Variants in B4GALNT3 observed in about 807,000 individuals in gnomAD.
B4GALNT3 encodes the protein beta-1,4-N-acetylgalactosaminyltransferase 3.
In B4GALNT3, 86 loss-of-function variants were observed where a neutral mutation model predicts 120.2. The observed-to-expected ratio is 0.72, with a 90% confidence interval of 0.60 to 0.86. The LOEUF is 0.86. B4GALNT3 is among the 40% of genes least tolerant of loss of function. B4GALNT3 has a pLI of 0.00. For missense variants in B4GALNT3, 1,167 were observed against 1,298.9 expected (o/e 0.90, Z 1.56); for synonymous variants, 518 against 510.4 (o/e 1.01, Z -0.20).
chr12:549,573 C>T (rs750865860), intron 9 of B4GALNT3, among the ~76,000 whole-genome samples, 196 bp from the exon 10 acceptor site: 3 of 152,242 alleles, frequency 2.0e-5, no homozygotes, highest in Non-Finnish European at 2.9e-5. Flanking sequence ...GTGGGGCTGG[C>T]AGAGGGGGCC....
chr12:524,910 G>A (rs907940325), intron 1 of B4GALNT3, among the ~76,000 whole-genome samples: 2 of 152,072 alleles, frequency 1.3e-5, no homozygotes, highest in African/African-American at 4.8e-5. Context: ...AAATGCATGT[G>A]GTGGGTTAAA....
rs1168793116 is a variant in B4GALNT3, at chr12:561,350, C to T, written c.2896C>T (p.Gln966Ter). ...EDWELLDRILQAGLDVERLSL... is the reference protein window; with the variant it reads ...EDWELLDRIL Reference sequence around the variant, plus strand: ...GTGTTTCTCCTCCTCCAGGATACTCCAAGCGGGCCTGGACGTGGAGCGTCT... The same window carrying T: ...GTGTTTCTCCTCCTCCAGGATACTCTAAGCGGGCCTGGACGTGGAGCGTCT... The change falls in exon 20 of 20, where the codon CAA (glutamine) becomes TAA (stop). Residue 966 changes from glutamine (Q) to a stop codon, truncating the protein, a stop_gained. Transcript: ENST00000266383. LOFTEE classifies it high-confidence loss of function. The T allele has an allele frequency of 1.2e-6, 2 of 1,613,162 alleles. No homozygotes were observed. Among genetic ancestry groups the T allele is most frequent in the African/African-American group, 2.7e-5 (2 of 74,912 alleles).
At chr12:523,435 A>G (rs1046802415) in intron 1 of B4GALNT3, among the ~76,000 whole-genome samples, 2 of 152,214 alleles carry the variant, frequency 1.3e-5, no homozygotes, top group African/African-American at 4.8e-5. Context: ...AGAATCTAAT[A>G]ACAAACAAGA....
At chr12:534,944 C>T (rs1433573715) in intron 1 of B4GALNT3, among the ~76,000 whole-genome samples, 3 of 152,240 alleles carry the variant, frequency 2.0e-5, no homozygotes, top group East Asian at 1.9e-4. Flanking sequence ...TTCTGGAAGG[C>T]GGTGACTGCT....
intron 15 of B4GALNT3, among the ~76,000 whole-genome samples, chr12:557,289 A>AG (rs754993005): frequency 8.5e-5 from 13 of 152,160 alleles, no homozygotes; most frequent in Non-Finnish European, 1.3e-4. Flanking sequence ...CGATACTAAG[A>AG]GGGACAGATA....
At chr12:498,486 CTGTTTT>C (rs1946409643) in intron 1 of B4GALNT3, among the ~76,000 whole-genome samples, 1 of 149,848 alleles carries the variant, frequency 6.7e-6, no homozygotes, top group South Asian at 2.2e-4. Context: ...AGTTGACTTC[CTGTTTT>C]TGTTTTGTTC....
intron 11 of B4GALNT3, among the ~76,000 whole-genome samples, chr12:551,846 C>G (rs1294933522): frequency 2.6e-5 from 4 of 151,922 alleles, no homozygotes; most frequent in Non-Finnish European, 1.5e-5. Flanking sequence ...GCATTTGGTC[C>G]ATAGGGCCTG....
chr12:460,476 G>A lies in B4GALNT3; in HGVS notation c.100G>A (p.Val34Met), dbSNP rs1198791377. ...GCTGCTGGCGCTCGCCGTGGTGTCT[G>A]TGGGGCTCTGGACTCTGTATCTGGA... ...RLLLALAVVS[V>M]GLWTLYLELV... The change falls in exon 1 of 20, where the codon GTG becomes ATG. Residue 34 changes from valine (V) to methionine (M), a missense_variant. Val to Met is a conservative substitution (Grantham distance 21). Coordinates refer to ENST00000266383, the MANE Select transcript of B4GALNT3 (RefSeq NM_173593.4). This position sits in a 1 kb window ranked among gnomAD's most constrained non-coding sequence, Gnocchi z 8.0. 1.3e-6 allele frequency: 2 copies of A among 1,586,992 alleles called. No individual in the cohort carries two copies. The highest frequency in any genetic ancestry group is 2.3e-5 in the East Asian group (1 of 42,640).
At chr12:554,747 G>A (rs1384350836) in intron 14 of B4GALNT3, among the ~76,000 whole-genome samples, 20 of 105,428 alleles carry the variant, frequency 1.9e-4, no homozygotes, top group African/African-American at 4.9e-4. Flanking sequence ...CTGAGATTGC[G>A]CCACTGCACT....
At chr12:501,361 CACTCTAA>C (rs1190481571) in intron 1 of B4GALNT3, among the ~76,000 whole-genome samples, 1 of 152,150 alleles carries the variant, frequency 6.6e-6, no homozygotes, top group Non-Finnish European at 1.5e-5. Context: ...TATTATTCTA[CACTCTAA>C]ACAGGAAAAC....
rs1947249484 is a variant in B4GALNT3, at chr12:563,169, G to A, written c.*1718G>A. 1.3e-5 allele frequency: 2 copies of A among 152,552 alleles called. No individual in the cohort carries two copies. Among genetic ancestry groups the A allele is most frequent in the African/African-American group, 4.8e-5 (2 of 41,454 alleles). 9.4% of individuals were successfully genotyped at this position (152,552 alleles called of 1,614,324 possible). ...TGAGGCCGACTGGCCCCTGGAGAAGGATGGTGGGGCATAGGCTAGGGCTGC... is the reference window on the plus strand; with the variant it reads ...TGAGGCCGACTGGCCCCTGGAGAAGAATGGTGGGGCATAGGCTAGGGCTGC... On this transcript the variant is annotated 3_prime_UTR_variant, in exon 20 of 20. Transcript: ENST00000266383.
At chr12:505,351 G>A (rs888233531) in intron 1 of B4GALNT3, among the ~76,000 whole-genome samples, 1 of 152,118 alleles carries the variant, frequency 6.6e-6, no homozygotes. Flanking sequence ...GGCCAACCTC[G>A]CCCAGAGAAC....
At chr12:492,679 A>G (rs1946354029) in intron 1 of B4GALNT3, among the ~76,000 whole-genome samples, 1 of 152,226 alleles carries the variant, frequency 6.6e-6, no homozygotes, top group African/African-American at 2.4e-5. Flanking sequence ...GGCAAAGAAC[A>G]AAGTCAGAAG....
intron 1 of B4GALNT3, among the ~76,000 whole-genome samples, chr12:466,626 G>A (rs1284578890): frequency 6.6e-6 from 1 of 152,196 alleles, no homozygotes; most frequent in African/African-American, 2.4e-5. Context: ...GGCTGCATGT[G>A]TTGTATATTC....
intron 1 of B4GALNT3, among the ~76,000 whole-genome samples, chr12:484,704 G>C (rs1048040870): frequency 4.0e-5 from 6 of 151,824 alleles, no homozygotes; most frequent in Non-Finnish European, 7.4e-5. Flanking sequence ...CCTGGCCCCA[G>C]GCTGGCCCAA....
In B4GALNT3 at chr12:486,205, CTTT is replaced by C. The variant is rs59345776; in HGVS notation, c.169+25680_169+25682del. On this transcript the variant is annotated intron_variant, in intron 1 of 19. Transcript: ENST00000266383. Reference sequence around the variant, plus strand: ...GCATTCTGAAATACACCAAAATATTCTTTTTTTTTTTTTTTTTTTTTTGAGACG... The same window carrying C: ...GCATTCTGAAATACACCAAAATATTCTTTTTTTTTTTTTTTTTTTGAGACG... Among the ~76,000 whole-genome samples, 281 of 97,972 alleles carry C rather than the reference CTTT, an allele frequency of 2.9e-3. 2 individuals are homozygous for C. Among genetic ancestry groups the C allele is most frequent in the African/African-American group, 0.011 (265 of 24,548 alleles). The allele number at this position is 97,972 out of a possible 152,430, so 64.3% of individuals were successfully genotyped here. A position where few individuals can be genotyped will look rare whatever the true frequency, so the allele number is the denominator to read the frequency against.
In B4GALNT3 at chr12:553,678, G is replaced by A. The variant is rs771282542; in HGVS notation, c.1755G>A (p.Arg585=). ...GGATGCGGCCTCAGGCCCCTGGAAG[G>A]GGCTGGCATGGGGAGGAGGAAGTGG... The part of the protein sequence containing the change: ...GDRMRPQAPG[R]GWHGEEEVVA... Residue 585 remains arginine, a synonymous_variant, in exon 14 of 20, where the codon AGG becomes AGA. Transcript: ENST00000266383. The A allele has an allele frequency of 1.2e-6, 2 of 1,614,118 alleles. No individual in the cohort carries two copies. The highest frequency in any genetic ancestry group is 3.3e-5 in the Admixed American group (2 of 60,028).
chr12:557,270 A>T (rs1947168261), intron 15 of B4GALNT3, among the ~76,000 whole-genome samples: 1 of 152,142 alleles, frequency 6.6e-6, no homozygotes, highest in Non-Finnish European at 1.5e-5. Context: ...GATGATGGGG[A>T]TAGGACGACG....
intron 15 of B4GALNT3, among the ~76,000 whole-genome samples, chr12:557,280 G>A (rs926064052): frequency 4.6e-5 from 7 of 152,234 alleles, no homozygotes; most frequent in African/African-American, 1.2e-4. Context: ...ATAGGACGAC[G>A]ATACTAAGAG....
Sources: gnomAD v4.1 joint callset for allele counts (sites outside exome capture counted in the v4.1 genomes callset) on GRCh38, gnomAD v4.1.1 for gene constraint, Gnocchi (gnomAD v3.1) non-coding constraint, MANE v1.5 for transcripts, NCBI Gene and HGNC (gene_info 2026-07-23, HGNC 2026-07-21) for gene names.